Variants in SNX29 observed in about 807,000 individuals in gnomAD.
The protein encoded by SNX29 is sorting nexin-29.
A neutral mutation model predicts 102.1 loss-of-function variants in SNX29; 78 were observed. That is an observed-to-expected ratio of 0.76 (90% CI 0.64 to 0.92). The LOEUF (loss-of-function observed/expected upper bound fraction) is 0.92. Among genes scored for constraint, SNX29 ranks in the 40% least tolerant of loss-of-function variants. The pLI is 0.00. For missense variants in SNX29, 1,280 were observed against 1,061.7 expected, an observed-to-expected ratio of 1.21 and a Z score of -2.86; for synonymous variants, 580 against 414.5, an observed-to-expected ratio of 1.40 and a Z score of -4.85.
chr16:12,359,032 T>C (rs1201086557), intron 16 of SNX29, among the ~76,000 whole-genome samples: 4 of 152,102 alleles, frequency 2.6e-5, no homozygotes, highest in Non-Finnish European at 5.9e-5. Flanking sequence ...AAGAAGGGGG[T>C]TGTGAGATCC....
intron 16 of SNX29, chr16:12,375,545 C>G (rs544169100): frequency 6.6e-6 from 1 of 152,350 alleles, no homozygotes; most frequent in South Asian, 2.1e-4. Context: ...TGCGTCCAAG[C>G]TAACCCGTGT....
Position 12,027,161 on chromosome 16 carries a change from C to T in SNX29, c.123-159C>T, listed in dbSNP as rs140861067. On this transcript the variant is annotated intron_variant, in intron 3 of 20. Coordinates refer to ENST00000566228, the MANE Select transcript of SNX29 (RefSeq NM_032167.5). ...TCAACACGGGAGGTGTGTGGAGTGGCGCAGGTCAGTTACCAAGCCTGCACA... is the reference window on the plus strand; with the variant it reads ...TCAACACGGGAGGTGTGTGGAGTGGTGCAGGTCAGTTACCAAGCCTGCACA... Among the ~76,000 whole-genome samples the T allele has an allele frequency of 1.1e-3, 160 of 152,292 alleles. 1 individual carries two copies. The highest frequency in any genetic ancestry group is 3.8e-3 in the African/African-American group (157 of 41,556).
In SNX29 at chr16:12,476,074, A is replaced by G. The variant is rs576044073; in HGVS notation, c.2038-1645A>G. On this transcript the variant is annotated intron_variant, in intron 18 of 20. Coordinates refer to ENST00000566228, the MANE Select transcript of SNX29 (RefSeq NM_032167.5). ...GGTGGGTCACGCCTATAATCCCAGT[A>G]CTTTGTGAGGCCAAGGCAGGCAGAT... Among the ~76,000 whole-genome samples the G allele has an allele frequency of 3.1e-3, 467 of 152,068 alleles. 5 individuals carry two copies. Among genetic ancestry groups the G allele is most frequent in the African/African-American group, 0.011 (436 of 41,482 alleles).
intron 8 of SNX29, among the ~76,000 whole-genome samples, chr16:12,060,499 T>G (rs59635223): frequency 0.56 from 85,086 of 152,058 alleles, 24,252 homozygotes; most frequent in Non-Finnish European, 0.6. Context: ...CTCCTCGGGA[T>G]GCTGAGGCAG....
intron 1 of SNX29, chr16:11,977,341 C>G (rs923184176): frequency 1.9e-5 from 3 of 153,942 alleles, no homozygotes; most frequent in African/African-American, 7.2e-5. Context: ...GAGCTCAATT[C>G]TGCAACCCGT....
chr16:12,539,877 A>G (rs918683186), intron 20 of SNX29, among the ~76,000 whole-genome samples: 4 of 152,338 alleles, frequency 2.6e-5, no homozygotes, highest in African/African-American at 7.2e-5. Context: ...TGTTCTTAGA[A>G]ACTAGGCTGT....
chr16:12,559,575 T>C (rs1488806936), intron 20 of SNX29, among the ~76,000 whole-genome samples: 1 of 151,922 alleles, frequency 6.6e-6, no homozygotes, highest in Non-Finnish European at 1.5e-5. Flanking sequence ...TATACATAAC[T>C]CATCCCTGGT....
chr16:12,549,211 G>A (rs140255527), intron 20 of SNX29, among the ~76,000 whole-genome samples: 18 of 152,284 alleles, frequency 1.2e-4, no homozygotes, highest in South Asian at 1.0e-3. Flanking sequence ...CGATGCTTGT[G>A]TCTGCCAGCC....
chr16:12,132,612 G>A (rs2054510159), intron 13 of SNX29, among the ~76,000 whole-genome samples: 1 of 152,208 alleles, frequency 6.6e-6, no homozygotes, highest in Admixed American at 6.5e-5. Context: ...CATGAGTGAG[G>A]CGTCTTAAGT....
rs1165011412 is a variant in SNX29, at chr16:12,340,956, T to C, written c.1783-15207T>C. Among the ~76,000 whole-genome samples the C allele has an allele frequency of 3.3e-5, 5 of 152,318 alleles. No homozygotes were observed. In the East Asian group the frequency reaches 9.6e-4, roughly 29 times the overall value. The stretch of plus-strand genomic sequence containing the variant: ...TCCTCTATTTACTTCACCATGAGGT[T>C]ATGAGAACTCATCCTACAGTCTCTT... On this transcript the variant is annotated intron_variant, in intron 15 of 20. Coordinates refer to ENST00000566228, the MANE Select transcript of SNX29 (RefSeq NM_032167.5).
chr16:12,377,766 C>T (rs1203970576), intron 16 of SNX29, among the ~76,000 whole-genome samples: 1 of 152,108 alleles, frequency 6.6e-6, no homozygotes, highest in Admixed American at 6.6e-5. Flanking sequence ...ACTCATTTAG[C>T]CCATGTGTGT....
rs547292945 is a variant in SNX29 at position 12,358,825 on chromosome 16, T to C, written c.1899+2546T>C. ...CCATAAAAGGCCCAGGAAGACAGGA[T>C]TCAGGGAGCTTCCAGGTAGCTGAAT... On this transcript the variant is annotated intron_variant, in intron 16 of 20. Transcript: ENST00000566228. 2.2e-4 allele frequency among the ~76,000 whole-genome samples: 34 copies of C among 152,312 alleles called. 1 individual carries two copies. The South Asian group carries it at 6.4e-3, about 29-fold the overall frequency.
At chr16:12,143,662 A>C (rs2054947728) in intron 13 of SNX29, among the ~76,000 whole-genome samples, 2 of 152,232 alleles carry the variant, frequency 1.3e-5, no homozygotes, top group Admixed American at 6.5e-5. Context: ...TGAGTAACAG[A>C]CAGCCATGGT....
At chr16:11,983,106 A>AT (rs2055462185) in intron 1 of SNX29, among the ~76,000 whole-genome samples, 1 of 151,438 alleles carries the variant, frequency 6.6e-6, no homozygotes, top group Non-Finnish European at 1.5e-5. Context: ...AATTTTTTGT[A>AT]TTTTTAGCAG....
chr16:12,472,539 A>AAC (rs1239030832), intron 18 of SNX29, among the ~76,000 whole-genome samples: 11 of 149,984 alleles, frequency 7.3e-5, no homozygotes, highest in African/African-American at 2.7e-4. Context: ...CAAAAAAAAA[A>AAC]AAAACAAAAA....
At chr16:12,563,452 G>A (rs562090425) in intron 20 of SNX29, among the ~76,000 whole-genome samples, 15 of 152,304 alleles carry the variant, frequency 9.8e-5, no homozygotes, top group East Asian at 7.7e-4. Flanking sequence ...GGTAAATTTA[G>A]GAAACCTAAT....
chr16:12,307,937 G>T (rs1453156974), intron 15 of SNX29, among the ~76,000 whole-genome samples: 2 of 152,178 alleles, frequency 1.3e-5, no homozygotes, highest in African/African-American at 4.8e-5. Flanking sequence ...TGCAATCAGG[G>T]TCTGTTTGAG....
chr16:12,486,148 C>A (rs569570043), intron 19 of SNX29, among the ~76,000 whole-genome samples: 2 of 152,332 alleles, frequency 1.3e-5, no homozygotes, highest in Middle Eastern at 3.4e-3. Context: ...TTTCTTGGCT[C>A]GTGGCCCCTT....
At chr16:12,483,874 G>A (rs1259108855) in intron 19 of SNX29, among the ~76,000 whole-genome samples, 1 of 152,184 alleles carries the variant, frequency 6.6e-6, no homozygotes, top group Non-Finnish European at 1.5e-5. Flanking sequence ...GTGATACATG[G>A]AAATTCCACT....
Sources: gnomAD v4.1 joint callset for allele counts (sites outside exome capture counted in the v4.1 genomes callset) on GRCh38, gnomAD v4.1.1 for gene constraint, MANE v1.5 for transcripts, NCBI Gene and HGNC (gene_info 2026-07-23, HGNC 2026-07-21) for gene names.